Variants in PUM3 observed in about 807,000 individuals in gnomAD.
PUM3 encodes pumilio RNA binding family member 3, also known as pumilio homolog 3.
Under a neutral mutation model 84.0 loss-of-function variants are expected in PUM3, and 91 were observed. The observed-to-expected ratio is 1.08, with a 90% CI of 0.91 to 1.29. The LOEUF is 1.29. PUM3 is among the 50% of genes most tolerant of loss of function. The pLI is 0.00. For missense variants in PUM3, 1,067 were observed against 767.5 expected (o/e 1.39, Z -4.61); for synonymous variants, 321 against 266.7 (o/e 1.20, Z -1.98).
At chr9:2,823,856 C>T in intron 11 of PUM3, 22 bp from the exon 12 acceptor site, 1 of 1,413,244 alleles carries the variant, frequency 7.1e-7, no homozygotes, top group Non-Finnish European at 9.7e-7. Context: ...AAGATTGTCT[C>T]ACTGAATTTT....
intron 16 of PUM3, 172 bp from the exon 17 acceptor site, chr9:2,808,076 G>C (rs946590463): frequency 4.0e-5 from 22 of 552,144 alleles, no homozygotes; most frequent in Non-Finnish European, 7.0e-5. Context: ...TTTATCTAAT[G>C]CATTTCTAAA....
At chr9:2,811,005 G>A (rs753917022) in intron 15 of PUM3, among the ~76,000 whole-genome samples, 1 of 152,142 alleles carries the variant, frequency 6.6e-6, no homozygotes, top group African/African-American at 2.4e-5. Context: ...AAACTTTCAA[G>A]GTACATTCAT....
At chr9:2,826,668 C>T (rs1250979565) in intron 10 of PUM3, among the ~76,000 whole-genome samples, 1 of 152,142 alleles carries the variant, frequency 6.6e-6, no homozygotes, top group African/African-American at 2.4e-5. Flanking sequence ...AGGTTTTCAT[C>T]GTCCACTTAG....
intron 10 of PUM3, among the ~76,000 whole-genome samples, chr9:2,825,898 T>A (rs928714668): frequency 6.6e-6 from 1 of 152,148 alleles, no homozygotes; most frequent in Non-Finnish European, 1.5e-5. Context: ...ATACAAAGCC[T>A]CATGCCACGA....
At chr9:2,822,654 T>C (rs994066678) in intron 12 of PUM3, among the ~76,000 whole-genome samples, 1 of 150,318 alleles carries the variant, frequency 6.7e-6, no homozygotes, top group African/African-American at 2.4e-5. Context: ...GTATTCAAAT[T>C]AGAATGTCAC....
intron 17 of PUM3, among the ~76,000 whole-genome samples, chr9:2,806,471 G>T (rs970807269): frequency 6.8e-6 from 1 of 146,886 alleles, no homozygotes; most frequent in East Asian, 1.9e-4. Flanking sequence ...AAACAACATA[G>T]ATTAAGTTGC....
chr9:2,831,132 A>G, intron 6 of PUM3, 104 bp from the exon 7 acceptor site: 4 of 979,672 alleles, frequency 4.1e-6, no homozygotes, highest in Non-Finnish European at 6.2e-6. Context: ...AAAACAAAAA[A>G]GGATCTGGAG....
At chr9:2,817,994 A>T (rs140914921) in intron 13 of PUM3, among the ~76,000 whole-genome samples, 90 of 152,362 alleles carry the variant, frequency 5.9e-4, no homozygotes, top group Non-Finnish European at 3.5e-4. Flanking sequence ...AGTAGTAAGA[A>T]AGAGCTCGTA....
intron 5 of PUM3, among the ~76,000 whole-genome samples, chr9:2,832,183 TA>T (rs1297071813): frequency 1.3e-5 from 2 of 152,160 alleles, no homozygotes; most frequent in African/African-American, 4.8e-5. Flanking sequence ...AAGTATCTCT[TA>T]AAAAAATAAG....
chr9:2,834,582 T>C (rs1268023340), intron 3 of PUM3, among the ~76,000 whole-genome samples: 1 of 152,204 alleles, frequency 6.6e-6, no homozygotes, highest in Non-Finnish European at 1.5e-5. Context: ...AATTCACTGT[T>C]CTGAGTGCTG....
Position 2,833,407 on chromosome 9 carries a change from C to A in PUM3, c.466G>T (p.Val156Leu), listed in dbSNP as rs1249832842. Reference protein sequence around the residue: ...RRKDCDKEKRVKLMSDLQKLI... With the variant: ...RRKDCDKEKRLKLMSDLQKLI... Reference sequence around the variant, plus strand: ...TTCTGCAAATCACTCATTAACTTTACTCTTTTTTCTTTGTCACAGTCTTTT... The same window carrying A: ...TTCTGCAAATCACTCATTAACTTTAATCTTTTTTCTTTGTCACAGTCTTTT... The change falls in exon 5 of 18, where the codon GTA becomes TTA. Residue 156 changes from valine to leucine, a missense_variant. Val to Leu is a conservative substitution (Grantham distance 32). Transcript: ENST00000397885. 2 of 1,587,616 alleles carry A rather than the reference C, an allele frequency of 1.3e-6. No homozygotes were observed. Among genetic ancestry groups the A allele is most frequent in the Non-Finnish European group, 1.7e-6 (2 of 1,158,978 alleles).
intron 12 of PUM3, among the ~76,000 whole-genome samples, chr9:2,823,224 A>G (rs936373800): frequency 4.6e-5 from 7 of 152,102 alleles, no homozygotes; most frequent in African/African-American, 1.4e-4. Flanking sequence ...AATCCCCCAG[A>G]AAAAACTTTT....
chr9:2,808,822 G>C (rs946590238), intron 16 of PUM3, among the ~76,000 whole-genome samples: 1 of 152,188 alleles, frequency 6.6e-6, no homozygotes, highest in African/African-American at 2.4e-5. Context: ...GTCTTCTTTT[G>C]AATCACAGTG....
chr9:2,822,174 C>T (rs1815662193), intron 12 of PUM3, among the ~76,000 whole-genome samples: 1 of 152,112 alleles, frequency 6.6e-6, no homozygotes, highest in Non-Finnish European at 1.5e-5. Flanking sequence ...GAAATTTTAA[C>T]ATGTTTCTCT....
chr9:2,824,460 T>G (rs936252732), intron 11 of PUM3, among the ~76,000 whole-genome samples: 5 of 152,198 alleles, frequency 3.3e-5, no homozygotes, highest in African/African-American at 1.2e-4. Context: ...ACATATTATG[T>G]TTACTTGCTT....
At position 2,807,255 on chromosome 9, in the gene PUM3, C is replaced by A. The variant is rs1022423340; in HGVS notation, c.1814+559G>T. Among the ~76,000 whole-genome samples the A allele has an allele frequency of 1.3e-5, 2 of 150,126 alleles. 1 individual carries two copies. ...GTCAAAACCATAAATGTGGTGAAGC[C>A]ACCTGATACCTTGTGAATGTTATAA... is the stretch of plus-strand genomic sequence containing the variant. On this transcript the variant is annotated intron_variant, in intron 17 of 17. Coordinates refer to ENST00000397885, the MANE Select transcript of PUM3 (RefSeq NM_014878.5).
intron 15 of PUM3, among the ~76,000 whole-genome samples, chr9:2,811,068 C>G (rs929348930): frequency 1.1e-4 from 16 of 152,184 alleles, no homozygotes; most frequent in Non-Finnish European, 1.5e-5. Context: ...AGATCCATGG[C>G]CCACTTCTCT....
At chr9:2,840,739 T>C (rs980498796) in intron 1 of PUM3, among the ~76,000 whole-genome samples, 1 of 152,240 alleles carries the variant, frequency 6.6e-6, no homozygotes, top group Non-Finnish European at 1.5e-5. Context: ...CCCAACTGTT[T>C]TGTTTTGCTT....
In PUM3 at chr9:2,824,760, C is replaced by A; in HGVS notation, c.1091G>T (p.Gly364Val). ...AVVYLAHTHD[G>V]ARVAMHCLWH... is the part of the protein sequence containing the mutation. ...CAGGCAGTGCATGGCCACTCTGGCG[C>A]CATCGTGTGTGTGTGCCAGGTAGAC... Residue 364 changes from glycine (G) to valine (V), a missense_variant, in exon 11 of 18, where the codon GGC becomes GTC. Coordinates refer to ENST00000397885, the MANE Select transcript of PUM3 (RefSeq NM_014878.5). The A allele has an allele frequency of 6.3e-7, 1 of 1,589,532 alleles. No homozygotes were observed. The highest frequency in any genetic ancestry group is 1.1e-5 in the South Asian group (1 of 87,740).
Sources: allele counts gnomAD v4.1 joint callset (sites outside exome capture counted in the v4.1 genomes callset), GRCh38; gene constraint gnomAD v4.1.1; transcripts MANE v1.5; gene names NCBI Gene and HGNC (gene_info 2026-07-23, HGNC 2026-07-21).